The following SETX variants were observed in gnomAD, a reference collection of about 807,000 sequenced individuals.
The protein encoded by SETX is senataxin, also known as helicase senataxin.
Under a neutral mutation model 227.2 loss-of-function variants are expected in SETX, and 90 were observed. The observed-to-expected ratio is 0.40, with a 90% CI of 0.33 to 0.47. The LOEUF is 0.47. Among genes scored for constraint, SETX ranks in the 20% least tolerant of loss-of-function variants. SETX has a pLI of 0.91. For missense variants in SETX, 3,052 were observed against 3,181.5 expected, an observed-to-expected ratio of 0.96 and a Z score of 0.98; for synonymous variants, 1,210 against 1,113.2, an observed-to-expected ratio of 1.09 and a Z score of -1.73.
chr9:132,294,771 A>G (rs1204003475), intron 15 of SETX, among the ~76,000 whole-genome samples: 1 of 152,162 alleles, frequency 6.6e-6, no homozygotes, highest in African/African-American at 2.4e-5. Context: ...CCGCAGGTGC[A>G]CTCGAGAATG....
In SETX at chr9:132,354,726, G is replaced by A. The variant is rs189200903; in HGVS notation, c.-115+191C>T. ...TCCAGCGCGCAGGAAGGCAACAGGC[G>A]GCCGCCAGCCGTCGAGGGGTGCTCC... On this transcript the variant is annotated intron_variant, in intron 1 of 25. Transcript: ENST00000224140. Among the ~76,000 whole-genome samples the A allele has an allele frequency of 6.8e-3, 1,037 of 152,094 alleles. 12 individuals are homozygous for A. The highest frequency in any genetic ancestry group is 0.024 in the African/African-American group (991 of 41,512).
chr9:132,312,691 G>A (rs1479821584), intron 10 of SETX, among the ~76,000 whole-genome samples: 2 of 152,180 alleles, frequency 1.3e-5, no homozygotes, highest in African/African-American at 4.8e-5. Context: ...TTATCTGCTA[G>A]TAAGGTCAGA....
Position 132,349,356 on chromosome 9 carries a change from T to C in SETX, c.73A>G (p.Thr25Ala). ...GCTGTTTGAAATTCACCGGACGGAG[T>C]GTTGGAAGCATAGCGCTTTAGGAAG... The part of the protein sequence containing the change: ...IDFLKRYASN[T>A]PSGEFQTADE... Residue 25 changes from threonine to alanine, a missense_variant, in exon 3 of 26, where the codon ACT becomes GCT. This residue lies in a region of SETX where 152 missense variants were observed against 156.2 expected (regional missense o/e 0.97). Transcript: ENST00000224140. 6.2e-7 allele frequency: 1 copy of C among 1,613,626 alleles called. No homozygotes were observed. The highest frequency in any genetic ancestry group is 1.1e-5 in the South Asian group (1 of 91,054).
rs757256332 is a variant in SETX at position 132,326,870 on chromosome 9, T to C, written c.4728A>G (p.Glu1576=). The stretch of plus-strand genomic sequence containing the variant: ...GCAAGCCAGGTTTACGAAATACATC[T>C]TCATCTGCTGCTTTCACTTCAGAGT... ...PKHSEVKAAD[E]DVFRKPGLPP... The change falls in exon 10 of 26, where the codon GAA becomes GAG. Residue 1576 remains glutamate (E), a synonymous_variant. Transcript: ENST00000224140. 1.2e-6 allele frequency: 2 copies of C among 1,614,214 alleles called. No homozygotes were observed. The highest frequency in any genetic ancestry group is 1.1e-5 in the South Asian group (1 of 91,082).
chr9:132,288,042 G>A (rs148689919), intron 17 of SETX, among the ~76,000 whole-genome samples, 194 bp downstream of exon 17: 14 of 152,020 alleles, frequency 9.2e-5, no homozygotes, highest in African/African-American at 1.4e-4. Context: ...CAGGTGTGCC[G>A]GCACAACCTT....
chr9:132,296,148 TAAA>T, intron 14 of SETX, 120 bp from the exon 15 acceptor site: 1 of 1,219,338 alleles, frequency 8.2e-7, no homozygotes, highest in Non-Finnish European at 1.2e-6. Flanking sequence ...GTAATAAAGT[TAAA>T]AATAAATAAA....
intron 3 of SETX, among the ~76,000 whole-genome samples, chr9:132,348,437 T>G (rs1000345933): frequency 1.3e-4 from 20 of 150,030 alleles, no homozygotes; most frequent in African/African-American, 4.4e-4. Flanking sequence ...GATACATGCA[T>G]GTATTATAGC....
chr9:132,297,002 G>A lies in SETX; in HGVS notation c.5834C>T (p.Ala1945Val), dbSNP rs1009296937. The change falls in exon 14 of 26, where the codon GCA becomes GTA. Residue 1945 changes from alanine (A) to valine (V), a missense_variant. Transcript: ENST00000224140. The part of the protein sequence containing the change: ...NEDQKKAIET[A>V]YAMVKHSPSV... ...TGGTGAGTGTTTCACCATAGCATAT[G>A]CAGTTTCTATTGCTTTCTTTTGATC... 5.6e-6 allele frequency: 9 copies of A among 1,613,702 alleles called. No homozygotes were observed. In the Admixed American group the frequency reaches 6.7e-5, roughly 12 times the overall value.
rs143549374 is a variant in SETX, at chr9:132,273,043, G to A, written c.7101-1235C>T. ...AACTCAGGAGTTTGAGAACAGCCTGGGCAACTTAGGAAGACCTTGTCTCTA... is the reference window on the plus strand; with the variant it reads ...AACTCAGGAGTTTGAGAACAGCCTGAGCAACTTAGGAAGACCTTGTCTCTA... On this transcript the variant is annotated intron_variant, in intron 23 of 25. Coordinates refer to ENST00000224140, the MANE Select transcript of SETX (RefSeq NM_015046.7). Among the ~76,000 whole-genome samples, 208 of 152,004 alleles carry A rather than the reference G, an allele frequency of 1.4e-3. 1 individual carries two copies. The highest frequency in any genetic ancestry group is 4.3e-3 in the African/African-American group (178 of 41,450).
chr9:132,283,668 G>T (rs976108345), intron 18 of SETX, among the ~76,000 whole-genome samples: 1 of 152,124 alleles, frequency 6.6e-6, no homozygotes, highest in African/African-American at 2.4e-5. Context: ...TTTATCCAGG[G>T]TTTGATTTGG....
chr9:132,348,586 A>G (rs983935033), intron 3 of SETX, among the ~76,000 whole-genome samples: 1 of 152,132 alleles, frequency 6.6e-6, no homozygotes, highest in African/African-American at 2.4e-5. Flanking sequence ...ACATTTACTC[A>G]GCACCTAGTA....
intron 23 of SETX, 70 bp downstream of exon 23, chr9:132,275,183 TTTC>T (rs1843095969): frequency 6.5e-7 from 1 of 1,530,888 alleles, no homozygotes; most frequent in South Asian, 1.1e-5. Flanking sequence ...GAGTTTCCCT[TTTC>T]TTCTTTCCTT....
rs73661156 is a variant in SETX at position 132,295,614 on chromosome 9, T to C, written c.6106+258A>G. Among the ~76,000 whole-genome samples, 11,920 of 152,282 alleles carry C rather than the reference T, an allele frequency of 0.078. 668 individuals are homozygous for C. The highest frequency in any genetic ancestry group is 0.18 in the East Asian group (919 of 5,178). Reference sequence around the variant, plus strand: ...CATTTTAGCCTCACTGTGGAACTTATCACTCTGTACTGACCTCTCCACTTC... The same window carrying C: ...CATTTTAGCCTCACTGTGGAACTTACCACTCTGTACTGACCTCTCCACTTC... On this transcript the variant is annotated intron_variant, in intron 15 of 25. Transcript: ENST00000224140.
intron 15 of SETX, among the ~76,000 whole-genome samples, chr9:132,294,252 G>C (rs1026946566): frequency 2.6e-5 from 4 of 152,114 alleles, no homozygotes; most frequent in African/African-American, 9.7e-5. Context: ...GAAAACTGAA[G>C]ATGTACAAAC....
At chr9:132,334,339 T>C (rs1167981808) in intron 7 of SETX, among the ~76,000 whole-genome samples, 3 of 152,066 alleles carry the variant, frequency 2.0e-5, no homozygotes, top group Non-Finnish European at 2.9e-5. Flanking sequence ...TCCCAGCTAC[T>C]TGGGAGGCTG....
At chr9:132,342,559 G>A (rs1215064074) in intron 5 of SETX, 131 bp downstream of exon 5, 1 of 795,740 alleles carries the variant, frequency 1.3e-6, no homozygotes, top group South Asian at 1.3e-5. Context: ...CTACTTAACT[G>A]TAGTAAATTT....
chr9:132,326,194 G>A (rs769837065), intron 10 of SETX, 130 bp downstream of exon 10: 1 of 734,754 alleles, frequency 1.4e-6, no homozygotes, highest in Non-Finnish European at 2.3e-6. Context: ...AGCCTCCCGA[G>A]TAGCTGGGAT....
At chr9:132,330,550 A>C in intron 9 of SETX, 51 bp from the exon 10 acceptor site, 1 of 1,511,468 alleles carries the variant, frequency 6.6e-7, no homozygotes, top group Non-Finnish European at 9.1e-7. Flanking sequence ...CACTTATGAC[A>C]GGTTCAACAC....
chr9:132,278,746 C>A (rs1038620221), intron 20 of SETX, among the ~76,000 whole-genome samples: 2 of 152,158 alleles, frequency 1.3e-5, no homozygotes, highest in African/African-American at 2.4e-5. Flanking sequence ...CCCAAAAAAA[C>A]CAGTAATAAA....
Sources: gnomAD v4.1 joint callset for allele counts (sites outside exome capture counted in the v4.1 genomes callset) on GRCh38, gnomAD v4.1.1 for gene constraint, gnomAD v4.1.1 regional missense constraint, MANE v1.5 for transcripts, NCBI Gene and HGNC (gene_info 2026-07-23, HGNC 2026-07-21) for gene names.